The following PTPRU variants were observed in gnomAD, a reference collection of about 807,000 sequenced individuals.
PTPRU encodes the protein receptor-type tyrosine-protein phosphatase U.
PTPRU carries 69 observed loss-of-function variants against 166.3 expected under a neutral mutation model. The ratio of observed to expected loss-of-function variants is 0.41; its 90% CI spans 0.34 to 0.51. PTPRU has a LOEUF of 0.51. PTPRU is among the 20% of genes least tolerant of loss of function. The probability of loss-of-function intolerance (pLI) is 0.09; values close to 1 mark genes in which losing one functional copy is unlikely to be tolerated. For missense variants in PTPRU, 1,657 were observed against 2,013.7 expected, an observed-to-expected ratio of 0.82 and a Z score of 3.39; for synonymous variants, 793 against 814.0, an observed-to-expected ratio of 0.97 and a Z score of 0.44.
rs1683866917 is a variant in PTPRU, at chr1:29,238,136, G to A, written c.73+1419G>A. On this transcript the variant is annotated intron_variant, in intron 1 of 29. Coordinates refer to ENST00000373779, the MANE Select transcript of PTPRU (RefSeq NM_133178.4). This position sits in a 1 kb window ranked among gnomAD's most constrained non-coding sequence, Gnocchi z 6.1. ...TCTGCTGTGTGGTCGCGTTCTCCGG[G>A]TGTGTTTCGGAGTCTGGTGTCTTTG... is the stretch of plus-strand genomic sequence containing the variant. Among the ~76,000 whole-genome samples, 2 of 152,046 alleles carry A rather than the reference G, an allele frequency of 1.3e-5. No homozygotes were observed. The highest frequency in any genetic ancestry group is 4.1e-4 in the South Asian group (2 of 4,830).
At chr1:29,258,924 CTG>C (rs1471316363) in intron 3 of PTPRU, 148 bp downstream of exon 3, 1 of 1,251,730 alleles carries the variant, frequency 8.0e-7, no homozygotes, top group Non-Finnish European at 1.1e-6. Context: ...AGGGGTCAGT[CTG>C]GGGCCAGTCT....
intron 7 of PTPRU, among the ~76,000 whole-genome samples, chr1:29,270,639 T>G (rs932300359): frequency 2.0e-4 from 30 of 152,058 alleles, no homozygotes; most frequent in African/African-American, 6.3e-4. Flanking sequence ...GACATCAACA[T>G]TCAAAGGGGG....
chr1:29,298,992 A>G (rs1687020006), intron 15 of PTPRU, among the ~76,000 whole-genome samples: 1 of 152,212 alleles, frequency 6.6e-6, no homozygotes, highest in Non-Finnish European at 1.5e-5. Flanking sequence ...TTACTTGCTA[A>G]TTGCAAACAG....
At chr1:29,288,491 T>C (rs1020713390) in intron 14 of PTPRU, among the ~76,000 whole-genome samples, 1 of 152,158 alleles carries the variant, frequency 6.6e-6, no homozygotes, top group Admixed American at 6.5e-5. Flanking sequence ...GCCAGAAGAA[T>C]GCCATTTCTT....
In PTPRU at chr1:29,279,966, C is replaced by A; in HGVS notation, c.1766-73C>A. 1 of 1,446,992 alleles carries A rather than the reference C, an allele frequency of 6.9e-7. No homozygotes were observed. Among genetic ancestry groups the A allele is most frequent in the South Asian group, 1.2e-5 (1 of 83,686 alleles). 89.6% of individuals were successfully genotyped at this position (1,446,992 alleles called of 1,614,324 possible). Reference sequence around the variant, plus strand: ...GTAGGGGAGATCTGAGGACTGTGGTCAAGGAGGCTGGAAGCCTGGTCTTCC... The same window carrying A: ...GTAGGGGAGATCTGAGGACTGTGGTAAAGGAGGCTGGAAGCCTGGTCTTCC... On this transcript the variant is annotated intron_variant, in intron 10 of 29. Transcript: ENST00000373779. This position sits in a 1 kb window ranked among gnomAD's most constrained non-coding sequence, Gnocchi z 5.2.
At chr1:29,272,865 C>CCA (rs1373129649) in intron 7 of PTPRU, among the ~76,000 whole-genome samples, 1 of 142,710 alleles carries the variant, frequency 7.0e-6, no homozygotes, top group Non-Finnish European at 1.5e-5. Context: ...CGAGATCCTG[C>CCA]CACTGCACTC....
In PTPRU at chr1:29,258,678, C is replaced by A. The variant is rs1262463311; in HGVS notation, c.379C>A (p.Pro127Thr). The A allele has an allele frequency of 6.2e-7, 1 of 1,614,026 alleles. No individual in the cohort carries two copies. The highest frequency in any genetic ancestry group is 1.7e-5 in the Admixed American group (1 of 60,002). ...LGVYVRVNGG[P>T]LGSAVWNMTG... ...CGTCTACGTGCGCGTTAATGGGGGC[C>A]CCCTGGGCAGTGCTGTGTGGAATAT... Residue 127 changes from proline (P) to threonine (T), a missense_variant, in exon 3 of 30, where the codon CCC (proline) becomes ACC (threonine). Coordinates refer to ENST00000373779, the MANE Select transcript of PTPRU (RefSeq NM_133178.4).
intron 1 of PTPRU, among the ~76,000 whole-genome samples, chr1:29,240,389 G>A (rs2151937368): frequency 6.6e-6 from 1 of 152,246 alleles, no homozygotes; most frequent in South Asian, 2.1e-4. Context: ...TGGCCCACCG[G>A]GTCTGAATAA....
rs1463100080 is a variant in PTPRU, at chr1:29,323,787, C to A, written c.4111C>A (p.Leu1371Ile). The change falls in exon 28 of 30, where the codon CTA (leucine) becomes ATA (isoleucine). Residue 1371 changes from leucine to isoleucine, a missense_variant and splice_region_variant. Coordinates refer to ENST00000373779, the MANE Select transcript of PTPRU (RefSeq NM_133178.4). Reference protein sequence around the residue: ...SGDGRTIVHCLNGGGRSGTFC... With the variant: ...SGDGRTIVHCINGGGRSGTFC... ...GGATGGGCGCACCATCGTGCACTGCCTGTGAGTACCTGCCCTGTGGGAGGG... is the reference window on the plus strand; with the variant it reads ...GGATGGGCGCACCATCGTGCACTGCATGTGAGTACCTGCCCTGTGGGAGGG... 1.9e-6 allele frequency: 3 copies of A among 1,613,930 alleles called. No homozygotes were observed. The South Asian group carries it at 3.3e-5, about 18-fold the overall frequency.
rs1683818921 is a variant in PTPRU at position 29,237,402 on chromosome 1, G to A, written c.73+685G>A. ...AAGTGTGCCGGGAATGCGTGTGTGGGAGCGAGTCTGGAACGGATGTGAGTG... is the reference window on the plus strand; with the variant it reads ...AAGTGTGCCGGGAATGCGTGTGTGGAAGCGAGTCTGGAACGGATGTGAGTG... On this transcript the variant is annotated intron_variant, in intron 1 of 29. Transcript: ENST00000373779. This position sits in a 1 kb window ranked among gnomAD's most constrained non-coding sequence, Gnocchi z 6.4. Among the ~76,000 whole-genome samples the A allele has an allele frequency of 6.6e-6, 1 of 152,128 alleles. No individual in the cohort carries two copies. Among genetic ancestry groups the A allele is most frequent in the South Asian group, 2.1e-4 (1 of 4,830 alleles).
chr1:29,318,302 T>G (rs1272184136), intron 25 of PTPRU, among the ~76,000 whole-genome samples: 9 of 151,974 alleles, frequency 5.9e-5, no homozygotes, highest in Admixed American at 5.9e-4. Flanking sequence ...TGAGCTGGAG[T>G]CTGCTCCAGG....
intron 8 of PTPRU, among the ~76,000 whole-genome samples, chr1:29,277,456 C>A (rs1685855879): frequency 1.3e-5 from 2 of 152,178 alleles, no homozygotes; most frequent in Admixed American, 1.3e-4. Flanking sequence ...GTTAATTCCA[C>A]TGTAGTCAGA....
chr1:29,258,694 T>C lies in PTPRU; in HGVS notation c.395T>C (p.Val132Ala). 1 of 1,613,910 alleles carries C rather than the reference T, an allele frequency of 6.2e-7. No homozygotes were observed. Among genetic ancestry groups the C allele is most frequent in the Non-Finnish European group, 8.5e-7 (1 of 1,179,890 alleles). The change falls in exon 3 of 30, where the codon GTG becomes GCG. Residue 132 changes from valine to alanine, a missense_variant. This residue lies in a region of PTPRU where 453 missense variants were observed against 496.9 expected (regional missense o/e 0.91). Coordinates refer to ENST00000373779, the MANE Select transcript of PTPRU (RefSeq NM_133178.4). Reference protein sequence around the residue: ...RVNGGPLGSAVWNMTGSHGRQ... With the variant: ...RVNGGPLGSAAWNMTGSHGRQ... ...AATGGGGGCCCCCTGGGCAGTGCTG[T>C]GTGGAATATGACTGGATCCCACGGC...
chr1:29,298,731 G>A (rs1053236918), intron 15 of PTPRU, among the ~76,000 whole-genome samples: 1 of 152,202 alleles, frequency 6.6e-6, no homozygotes, highest in Non-Finnish European at 1.5e-5. Flanking sequence ...AGCAGAGAGA[G>A]CAGTGGGGAC....
intron 15 of PTPRU, among the ~76,000 whole-genome samples, chr1:29,299,587 T>G (rs1687047588): frequency 6.6e-6 from 1 of 152,346 alleles, no homozygotes; most frequent in South Asian, 2.1e-4. Context: ...CGGGACTTTT[T>G]GCTTGTCCTC....
At position 29,260,027 on chromosome 1, in the gene PTPRU, C is replaced by T. The variant is rs1339095569; in HGVS notation, c.833C>T (p.Ala278Val). 2.7e-6 allele frequency: 4 copies of T among 1,462,476 alleles called. No individual in the cohort carries two copies. The highest frequency in any genetic ancestry group is 3.6e-6 in the Non-Finnish European group (4 of 1,113,024). 90.6% of individuals were successfully genotyped at this position (1,462,476 alleles called of 1,614,324 possible). ...APRGAGVSNF[A>V]ELIVKEPPTP... ...CGCGGCGCGGGCGTCTCTAACTTCG[C>T]GGAGCTCATCGTCAAGGGTCAGCTG... Residue 278 changes from alanine (A) to valine (V), a missense_variant, in exon 6 of 30, where the codon GCG becomes GTG. Coordinates refer to ENST00000373779, the MANE Select transcript of PTPRU (RefSeq NM_133178.4). This position sits in a 1 kb window ranked among gnomAD's most constrained non-coding sequence, Gnocchi z 8.3.
chr1:29,303,314 C>G (rs762116680), intron 15 of PTPRU, among the ~76,000 whole-genome samples: 1 of 152,232 alleles, frequency 6.6e-6, no homozygotes, highest in Non-Finnish European at 1.5e-5. Flanking sequence ...CCCACTCCCC[C>G]ACTGGCTGCG....
rs1683842980 is a variant in PTPRU, at chr1:29,237,800, G to A, written c.73+1083G>A. Among the ~76,000 whole-genome samples the A allele has an allele frequency of 6.8e-6, 1 of 146,518 alleles. No individual in the cohort carries two copies. The highest frequency in any genetic ancestry group is 1.5e-5 in the Non-Finnish European group (1 of 65,922). On this transcript the variant is annotated intron_variant, in intron 1 of 29. Transcript: ENST00000373779. The surrounding 1 kb of genome is among the most constrained non-coding windows in gnomAD (Gnocchi z 6.4). ...CCGGGCCAGCGGGCCCCAGCGAGGG[G>A]CCGGCGGGCGGGCAGGGGAGGGCCG...
chr1:29,325,268 A>G lies in PTPRU; in HGVS notation c.4190A>G (p.Asp1397Gly). ...ATGATCCGCTGCCACAACTTGGTGG[A>G]CGTTTTCTTTGCTGCCAAAACCCTC... Reference protein sequence around the residue: ...LEMIRCHNLVDVFFAAKTLRN... With the variant: ...LEMIRCHNLVGVFFAAKTLRN... Residue 1397 changes from aspartate (D) to glycine (G), a missense_variant, in exon 29 of 30, where the codon GAC (aspartate) becomes GGC (glycine). By Grantham distance (94) the Asp-to-Gly change is moderately conservative. Coordinates refer to ENST00000373779, the MANE Select transcript of PTPRU (RefSeq NM_133178.4). 1 of 1,614,156 alleles carries G rather than the reference A, an allele frequency of 6.2e-7. No homozygotes were observed. Among genetic ancestry groups the G allele is most frequent in the African/African-American group, 1.3e-5 (1 of 75,030 alleles).
Sources: gnomAD v4.1 joint callset for allele counts (sites outside exome capture counted in the v4.1 genomes callset) on GRCh38, gnomAD v4.1.1 for gene constraint, gnomAD v4.1.1 regional missense constraint, Gnocchi (gnomAD v3.1) non-coding constraint, MANE v1.5 for transcripts, NCBI Gene and HGNC (gene_info 2026-07-23, HGNC 2026-07-21) for gene names.